The following LRRC74A variants were observed in gnomAD, a reference collection of about 807,000 sequenced individuals.
LRRC74A encodes leucine-rich repeat-containing protein 74A.
A neutral mutation model predicts 57.9 loss-of-function variants in LRRC74A; 44 were observed. That is an observed-to-expected ratio of 0.76 (90% CI 0.60 to 0.98). LRRC74A has a LOEUF of 0.98. Among genes scored for constraint, LRRC74A ranks in the 50% least tolerant of loss-of-function variants. LRRC74A has a pLI of 0.00. For synonymous variants in LRRC74A, 211 were observed against 219.4 expected, an observed-to-expected ratio of 0.96 and a Z score of 0.34; for missense variants, 572 against 574.0, an observed-to-expected ratio of 1.00 and a Z score of 0.04.
rs200550117 is a variant in LRRC74A, at chr14:76,836,443, C to A, written c.447+129C>A. The A allele has an allele frequency of 9.1e-5, 55 of 602,492 alleles. 1 individual carries two copies. In the Middle Eastern group the frequency reaches 2.1e-3, roughly 23 times the overall value. The allele number at this position is 602,492 out of a possible 1,614,324, so 37.3% of individuals were successfully genotyped here. ...CCTGCCCGCCCCTGCCCTTCCCACA[C>A]GACTTCTTAGAGGAGGGCCACATGT... On this transcript the variant is annotated intron_variant, in intron 4 of 13. Coordinates refer to ENST00000689127, the MANE Select transcript of LRRC74A (RefSeq NM_001385106.1).
intron 7 of LRRC74A, among the ~76,000 whole-genome samples, chr14:76,846,593 A>G (rs1316804955): frequency 6.6e-6 from 1 of 152,194 alleles, no homozygotes; most frequent in Non-Finnish European, 1.5e-5. Context: ...GAGCTCAGGG[A>G]GGAGGTGGGG....
At chr14:76,846,781 G>A (rs1897140454) in intron 7 of LRRC74A, among the ~76,000 whole-genome samples, 1 of 151,934 alleles carries the variant, frequency 6.6e-6, no homozygotes, top group Non-Finnish European at 1.5e-5. Context: ...AGGGACAGGA[G>A]ATAGGAGCCC....
chr14:76,838,425 T>G (rs140706162), intron 5 of LRRC74A, among the ~76,000 whole-genome samples: 1 of 152,260 alleles, frequency 6.6e-6, no homozygotes, highest in Non-Finnish European at 1.5e-5. Context: ...ACAAATAAAT[T>G]CAATGGCACA....
At chr14:76,868,987 G>A (rs1899194720) in intron 13 of LRRC74A, among the ~76,000 whole-genome samples, 1 of 152,250 alleles carries the variant, frequency 6.6e-6, no homozygotes, top group African/African-American at 2.4e-5. Flanking sequence ...CTGGCATCCA[G>A]CAAGAGGGCG....
At chr14:76,828,950 A>G (rs2140252297) in intron 2 of LRRC74A, 1 of 1,224,792 alleles carries the variant, frequency 8.2e-7, no homozygotes, top group Admixed American at 2.4e-5. Flanking sequence ...CATCCCAGTG[A>G]CTTTCCCACA....
intron 2 of LRRC74A, chr14:76,828,956 CCACA>C: frequency 1.6e-6 from 2 of 1,253,330 alleles, no homozygotes; most frequent in Non-Finnish European, 2.1e-6. Context: ...AGTGACTTTC[CCACA>C]CTCACCTTAG....
intron 7 of LRRC74A, among the ~76,000 whole-genome samples, chr14:76,850,144 C>T (rs767799541): frequency 8.6e-5 from 13 of 150,682 alleles, no homozygotes; most frequent in Non-Finnish European, 1.8e-4. Context: ...GAAGGTGGAG[C>T]TTGCAGTGAG....
chr14:76,849,456 C>T (rs1192917326), intron 7 of LRRC74A, among the ~76,000 whole-genome samples: 1 of 152,082 alleles, frequency 6.6e-6, no homozygotes, highest in Non-Finnish European at 1.5e-5. Context: ...TGCCCCGGGC[C>T]TGTGCTGTCT....
rs1363476046 is a variant in LRRC74A, at chr14:76,853,111, G to A, written c.763-105G>A. On this transcript the variant is annotated intron_variant, in intron 8 of 13. Transcript: ENST00000689127. The stretch of plus-strand genomic sequence containing the variant: ...AGACCCATCAGTCCTGGGGACCACT[G>A]AGCACCCGGTCTGGATGCCAACAGG... 9 of 1,069,356 alleles carry A rather than the reference G, an allele frequency of 8.4e-6. No homozygotes were observed. The East Asian group carries it at 2.1e-4, about 25-fold the overall frequency. 66.2% of individuals were successfully genotyped at this position (1,069,356 alleles called of 1,614,324 possible).
rs1260082153 is a variant in LRRC74A at position 76,852,338 on chromosome 14, G to A, written c.677-27G>A. The A allele has an allele frequency of 2.6e-6, 4 of 1,561,374 alleles. No homozygotes were observed. The African/African-American group carries it at 5.4e-5, about 21-fold the overall frequency. Reference sequence around the variant, plus strand: ...ATGGGTTTTCTGGGCTGTGGGAGATGCTAAGCCGATTCCCTCCCTGTTTCA... The same window carrying A: ...ATGGGTTTTCTGGGCTGTGGGAGATACTAAGCCGATTCCCTCCCTGTTTCA... On this transcript the variant is annotated intron_variant, in intron 7 of 13. Coordinates refer to ENST00000689127, the MANE Select transcript of LRRC74A (RefSeq NM_001385106.1).
intron 8 of LRRC74A, 81 bp from the exon 9 acceptor site, chr14:76,853,135 G>A (rs936396775): frequency 4.5e-6 from 6 of 1,345,348 alleles, no homozygotes; most frequent in Non-Finnish European, 6.3e-6. Flanking sequence ...GATGCCAACA[G>A]GGGGTAGAAA....
chr14:76,830,616 C>A lies in LRRC74A; in HGVS notation c.167-587C>A, dbSNP rs575747038. Among the ~76,000 whole-genome samples, 7 of 152,372 alleles carry A rather than the reference C, an allele frequency of 4.6e-5. No individual in the cohort carries two copies. The South Asian group carries it at 1.4e-3, about 32-fold the overall frequency. Reference sequence around the variant, plus strand: ...AGAAGAAAGACCATTCACATGCAAGCATGCTTGTTTCTCGCTGATGTGGAG... The same window carrying A: ...AGAAGAAAGACCATTCACATGCAAGAATGCTTGTTTCTCGCTGATGTGGAG... On this transcript the variant is annotated intron_variant, in intron 2 of 13. Transcript: ENST00000689127.
intron 13 of LRRC74A, among the ~76,000 whole-genome samples, chr14:76,869,875 G>A (rs1899307021): frequency 6.6e-6 from 1 of 152,102 alleles, no homozygotes; most frequent in Non-Finnish European, 1.5e-5. Context: ...TCCCCAAAGG[G>A]CTCTTGCAAA....
intron 9 of LRRC74A, among the ~76,000 whole-genome samples, chr14:76,856,872 T>C (rs146810193): frequency 6.7e-6 from 1 of 149,362 alleles, no homozygotes; most frequent in African/African-American, 2.5e-5. Flanking sequence ...GATGAATAGA[T>C]AGATGGTTGG....
intron 11 of LRRC74A, among the ~76,000 whole-genome samples, chr14:76,863,185 A>AGTGTCTGTGTGTGT: frequency 6.9e-6 from 1 of 145,318 alleles, no homozygotes; most frequent in South Asian, 2.2e-4. Context: ...CATGCATGTG[A>AGTGTCTGTGTGTGT]GTGTGTGTGT....
chr14:76,865,998 G>A lies in LRRC74A; in HGVS notation c.1231G>A (p.Val411Met), dbSNP rs202056854. The change falls in exon 12 of 14, where the codon GTG becomes ATG. Residue 411 changes from valine (V) to methionine (M), a missense_variant. Transcript: ENST00000689127. ...SYADQHKITIVDFFKSLNPTG... is the reference protein window; with the variant it reads ...SYADQHKITIMDFFKSLNPTG... ...TGCAGACCAACACAAAATCACGATC[G>A]TGGACTTCTTCAAGAGCTTGAACCC... 1.2e-5 allele frequency: 20 copies of A among 1,601,048 alleles called. No homozygotes were observed. Among genetic ancestry groups the A allele is most frequent in the South Asian group, 3.3e-5 (3 of 89,894 alleles).
At chr14:76,865,878 A>C in intron 11 of LRRC74A, 90 bp from the exon 12 acceptor site, 3 of 1,025,132 alleles carry the variant, frequency 2.9e-6, no homozygotes, top group Non-Finnish European at 4.4e-6. Flanking sequence ...GCCTGGAAGC[A>C]TGGGCCGCTC....
rs533090619 is a variant in LRRC74A, at chr14:76,851,243, C to T, written c.677-1122C>T. ...GCCTGCCATGATAGGCATCATGTGA[C>T]GTAATATGCCAGGTCCATCACAGCC... On this transcript the variant is annotated intron_variant, in intron 7 of 13. Transcript: ENST00000689127. Among the ~76,000 whole-genome samples, 8 of 152,326 alleles carry T rather than the reference C, an allele frequency of 5.3e-5. No individual in the cohort carries two copies. The South Asian group carries it at 8.3e-4, about 16-fold the overall frequency.
intron 5 of LRRC74A, among the ~76,000 whole-genome samples, chr14:76,842,015 G>A (rs8015192): frequency 0.29 from 43,888 of 151,850 alleles, 7,133 homozygotes; most frequent in East Asian, 0.52. Flanking sequence ...CCCAGCCCCA[G>A]GTCTTTTTAC....
Sources: gnomAD v4.1 joint callset for allele counts (sites outside exome capture counted in the v4.1 genomes callset) on GRCh38, gnomAD v4.1.1 for gene constraint, MANE v1.5 for transcripts, NCBI Gene and HGNC (gene_info 2026-07-23, HGNC 2026-07-21) for gene names.